LYRM4: variants seen among roughly 807,000 people sequenced by gnomAD.
LYRM4 encodes LYR motif-containing protein 4.
LYRM4 carries 9 observed loss-of-function variants against 11.7 expected under a neutral mutation model. That is an observed-to-expected ratio of 0.77 (90% CI 0.46 to 1.34). The LOEUF is 1.34. Ranked by LOEUF, LYRM4 falls within the 40% of genes most tolerant of loss-of-function variation. The pLI, the probability that LYRM4 is intolerant of heterozygous loss-of-function variation, is 0.00. For synonymous variants in LYRM4, 42 were observed against 40.4 expected (o/e 1.04, Z -0.15); for missense variants, 133 against 112.5 (o/e 1.18, Z -0.82).
At chr6:5,245,099 AAAAAAAAAAAAAAAATATATATAT>A (rs1448319149) in intron 1 of LYRM4, among the ~76,000 whole-genome samples, 5 of 47,380 alleles carry the variant, frequency 1.1e-4, no homozygotes, top group African/African-American at 4.3e-4. Context: ...TAAAAAAAAA[AAAAAAAAAAAAAAAATATATATAT>A]ATATATATAT....
At position 5,209,561 on chromosome 6, in the gene LYRM4, C is replaced by T. The variant is rs550321981; in HGVS notation, c.207+7057G>A. The stretch of plus-strand genomic sequence containing the variant: ...CTTTATCCCTGTTCTATTAAATGAG[C>T]GAACAGATGGGACATTAGAAGTGGG... On this transcript the variant is annotated intron_variant, in intron 2 of 2. Coordinates refer to ENST00000330636, the MANE Select transcript of LYRM4 (RefSeq NM_020408.6). Among the ~76,000 whole-genome samples the T allele has an allele frequency of 3.3e-5, 5 of 152,226 alleles. No individual in the cohort carries two copies. In the East Asian group the frequency reaches 5.8e-4, roughly 18 times the overall value.
intron 1 of LYRM4, among the ~76,000 whole-genome samples, chr6:5,244,738 C>T (rs1302233348): frequency 1.3e-5 from 2 of 151,706 alleles, no homozygotes; most frequent in Non-Finnish European, 2.9e-5. Context: ...GCAGATGGGT[C>T]AGTAGTGACA....
intron 2 of LYRM4, among the ~76,000 whole-genome samples, chr6:5,110,070 A>G (rs1292700440): frequency 3.9e-5 from 6 of 152,092 alleles, no homozygotes; most frequent in Non-Finnish European, 8.8e-5. Context: ...TTAATGCCCA[A>G]TGTTTCCACT....
At chr6:5,118,094 A>ATATATATATATATATATATT in intron 2 of LYRM4, among the ~76,000 whole-genome samples, 1 of 86,132 alleles carries the variant, frequency 1.2e-5, no homozygotes, top group African/African-American at 3.9e-5. Flanking sequence ...ATATATATAT[A>ATATATATATATATATATATT]TTTTTGTTTT....
chr6:5,177,073 A>G (rs36054988), intron 2 of LYRM4, among the ~76,000 whole-genome samples: 5,037 of 152,306 alleles, frequency 0.033, 123 homozygotes, highest in Non-Finnish European at 0.047. Flanking sequence ...GAGAATGCCA[A>G]TAGGAAGGGA....
the LYRM4 span, among the ~76,000 whole-genome samples, chr6:5,051,384 A>G: frequency 6.6e-6 from 1 of 152,222 alleles, no homozygotes; most frequent in Non-Finnish European, 1.5e-5. Flanking sequence ...ATTATACTCA[A>G]ACTGTCAAGA....
chr6:5,105,809 G>A (rs1762646247), downstream of LYRM4: 1 of 154,460 alleles, frequency 6.5e-6, no homozygotes, highest in African/African-American at 2.4e-5. Context: ...GCGAGACTCT[G>A]TCTCAAAAAA....
intron 2 of LYRM4, among the ~76,000 whole-genome samples, chr6:5,161,557 G>GT (rs1416101145): frequency 1.3e-5 from 2 of 152,170 alleles, no homozygotes; most frequent in African/African-American, 2.4e-5. Flanking sequence ...GAAGAGGAGA[G>GT]TAAGATTTTA....
intron 2 of LYRM4, among the ~76,000 whole-genome samples, chr6:5,114,063 C>T (rs569805891): frequency 2.0e-5 from 3 of 152,184 alleles, no homozygotes; most frequent in African/African-American, 7.2e-5. Context: ...AATGAGGTGT[C>T]AGCTGTCATC....
At chr6:5,259,745 G>C (rs553572779) in intron 1 of LYRM4, among the ~76,000 whole-genome samples, 40 of 152,224 alleles carry the variant, frequency 2.6e-4, no homozygotes, top group East Asian at 2.1e-3. Flanking sequence ...GATCCAACCA[G>C]ATTCTTTCTC....
At chr6:5,125,302 C>T (rs1763649887) in intron 2 of LYRM4, among the ~76,000 whole-genome samples, 1 of 152,194 alleles carries the variant, frequency 6.6e-6, no homozygotes. Context: ...TCCCCCAGCT[C>T]TCCTCCCTCT....
intron 2 of LYRM4, among the ~76,000 whole-genome samples, chr6:5,190,493 T>C (rs567169159): frequency 2.0e-5 from 3 of 152,306 alleles, no homozygotes; most frequent in East Asian, 1.9e-4. Context: ...TTCCCCGTAA[T>C]ATACACAGGA....
intron 2 of LYRM4, among the ~76,000 whole-genome samples, chr6:5,147,697 A>G (rs1292432580): frequency 6.6e-6 from 1 of 152,232 alleles, no homozygotes; most frequent in African/African-American, 2.4e-5. Context: ...ATTTCCATGT[A>G]GAGACGTCCA....
intron 2 of LYRM4, among the ~76,000 whole-genome samples, chr6:5,201,108 T>A (rs923620159): frequency 1.3e-5 from 2 of 152,208 alleles, no homozygotes; most frequent in African/African-American, 4.8e-5. Context: ...GCTTAGATAA[T>A]GGAAAACTCC....
At chr6:5,191,425 AT>A (rs1198916260) in intron 2 of LYRM4, among the ~76,000 whole-genome samples, 1 of 152,206 alleles carries the variant, frequency 6.6e-6, no homozygotes, top group Admixed American at 6.5e-5. Context: ...GCTACGCGCC[AT>A]TCTGAGAAGT....
At chr6:5,143,430 T>C (rs1473158654) in intron 2 of LYRM4, among the ~76,000 whole-genome samples, 1 of 152,234 alleles carries the variant, frequency 6.6e-6, no homozygotes, top group Non-Finnish European at 1.5e-5. Flanking sequence ...CGTAATATAT[T>C]GGTGACTGTG....
the LYRM4 span, among the ~76,000 whole-genome samples, chr6:5,058,072 G>A: frequency 1.3e-5 from 2 of 152,032 alleles, no homozygotes; most frequent in Non-Finnish European, 2.9e-5. Flanking sequence ...TATTTATATG[G>A]CCCATTCCTC....
intron 2 of LYRM4, among the ~76,000 whole-genome samples, chr6:5,215,868 T>C (rs1300036620): frequency 6.6e-6 from 1 of 152,208 alleles, no homozygotes. Flanking sequence ...TATTGCGTGA[T>C]TGCTGCTAAG....
At chr6:5,218,485 G>T (rs1762404588) in intron 1 of LYRM4, 1 of 553,706 alleles carries the variant, frequency 1.8e-6, no homozygotes, top group Non-Finnish European at 2.3e-6. Flanking sequence ...CAAATGTCAG[G>T]TCTATTTGCA....
Sources: gnomAD v4.1 joint callset for allele counts (sites outside exome capture counted in the v4.1 genomes callset) on GRCh38, gnomAD v4.1.1 for gene constraint, MANE v1.5 for transcripts, NCBI Gene and HGNC (gene_info 2026-07-23, HGNC 2026-07-21) for gene names.